The following RASGRP2 variants were observed in gnomAD, a reference collection of about 807,000 sequenced individuals.
The protein encoded by RASGRP2 is RAS guanyl-releasing protein 2.
A neutral mutation model predicts 71.0 loss-of-function variants in RASGRP2; 44 were observed. The ratio of observed to expected loss-of-function variants is 0.62; its 90% CI spans 0.49 to 0.80. The LOEUF (loss-of-function observed/expected upper bound fraction) is 0.80, where lower values mean the gene tolerates loss of function less well. RASGRP2 is among the 30% of genes least tolerant of loss of function. The probability of loss-of-function intolerance (pLI) is 0.00; values close to 1 mark genes in which losing one functional copy is unlikely to be tolerated. For synonymous variants in RASGRP2, 350 were observed against 330.7 expected (o/e 1.06, Z -0.63); for missense variants, 663 against 813.4 (o/e 0.82, Z 2.25).
chr11:64,732,820 C>G (rs1163110146), intron 12 of RASGRP2, among the ~76,000 whole-genome samples: 1 of 149,692 alleles, frequency 6.7e-6, no homozygotes, highest in Non-Finnish European at 1.5e-5. Context: ...CATGGTGGCG[C>G]GCGCCTGTAA....
Position 64,729,815 on chromosome 11 carries a change from G to A in RASGRP2, c.1555-17C>T. 1.9e-6 allele frequency: 3 copies of A among 1,614,030 alleles called. No homozygotes were observed. The highest frequency in any genetic ancestry group is 2.5e-6 in the Non-Finnish European group (3 of 1,179,862). On this transcript the variant is annotated splice_polypyrimidine_tract_variant and intron_variant, in intron 13 of 16. Coordinates refer to ENST00000394432, the MANE Select transcript of RASGRP2 (RefSeq NM_001098671.2). ...GCCCAGGATCTGCAATAGAGGAGGG[G>A]CCGTGGTGGGAGGAGGGATTTAGAG...
Position 64,739,283 on chromosome 11 carries a change from C to A in RASGRP2, c.813+77G>T, listed in dbSNP as rs1190492103. 8.9e-7 allele frequency: 1 copy of A among 1,127,720 alleles called. No homozygotes were observed. The highest frequency in any genetic ancestry group is 1.5e-5 in the African/African-American group (1 of 65,314). The allele number at this position is 1,127,720 out of a possible 1,614,324, so 69.9% of individuals were successfully genotyped here. A position where few individuals can be genotyped will look rare whatever the true frequency, so the allele number is the denominator to read the frequency against. ...TATCTATCAAATGAGGACAGCTGTG[C>A]CCAGCCCCCAGTGCTGCTGGGAGGA... On this transcript the variant is annotated intron_variant, in intron 8 of 16. Transcript: ENST00000394432. This position sits in a 1 kb window ranked among gnomAD's most constrained non-coding sequence, Gnocchi z 4.2.
rs757903572 is a variant in RASGRP2 at position 64,742,685 on chromosome 11, A to T, written c.73+109T>A. Reference sequence around the variant, plus strand: ...TTAAAGAGACTGCACGCTGCGGAGCAGGGTGGGTCCGGGTCAGGGCTGTGC... The same window carrying T: ...TTAAAGAGACTGCACGCTGCGGAGCTGGGTGGGTCCGGGTCAGGGCTGTGC... On this transcript the variant is annotated intron_variant, in intron 2 of 16. Transcript: ENST00000394432. The surrounding 1 kb of genome is among the most constrained non-coding windows in gnomAD (Gnocchi z 4.7). 15 of 1,417,210 alleles carry T rather than the reference A, an allele frequency of 1.1e-5. No homozygotes were observed. Among genetic ancestry groups the T allele is most frequent in the Non-Finnish European group, 1.5e-5 (15 of 1,030,824 alleles). The allele number at this position is 1,417,210 out of a possible 1,614,324, so 87.8% of individuals were successfully genotyped here.
Position 64,741,452 on chromosome 11 carries a change from A to G in RASGRP2, c.226T>C (p.Cys76Arg). The change falls in exon 4 of 17, where the codon TGC becomes CGC. Residue 76 changes from cysteine to arginine, a missense_variant. Cys to Arg is a radical substitution (Grantham distance 180). Coordinates refer to ENST00000394432, the MANE Select transcript of RASGRP2 (RefSeq NM_001098671.2). The part of the protein sequence containing the change: ...DNSNSLQVKT[C>R]HLVRYWISAF... ...GGAAAGACTCACCTGACCAGGTGGCACGTTTTCACCTGCAGGGAATTGGAG... is the reference window on the plus strand; with the variant it reads ...GGAAAGACTCACCTGACCAGGTGGCGCGTTTTCACCTGCAGGGAATTGGAG... 1.3e-6 allele frequency: 2 copies of G among 1,571,800 alleles called. No individual in the cohort carries two copies. The highest frequency in any genetic ancestry group is 1.7e-6 in the Non-Finnish European group (2 of 1,156,442).
chr11:64,740,520 G>T, intron 5 of RASGRP2: 1 of 633,606 alleles, frequency 1.6e-6, no homozygotes, highest in East Asian at 3.4e-5. Context: ...CTTTGTACAG[G>T]AGTCTGTACA....
At chr11:64,729,598 A>G (rs557186550) in intron 14 of RASGRP2, among the ~76,000 whole-genome samples, 164 bp downstream of exon 14, 1 of 152,154 alleles carries the variant, frequency 6.6e-6, no homozygotes, top group Non-Finnish European at 1.5e-5. Flanking sequence ...CGGCCTCCCA[A>G]AGTGCTGGGA....
In RASGRP2 at chr11:64,735,087, C is replaced by A; in HGVS notation, c.1412+25G>T. ...AAGTGGGCTGAGTTGCCTTCCCTCT[C>A]CCCCAGGTCCCCAGCCCTCCTCACT... is the stretch of plus-strand genomic sequence containing the variant. On this transcript the variant is annotated intron_variant, in intron 12 of 16. Coordinates refer to ENST00000394432, the MANE Select transcript of RASGRP2 (RefSeq NM_001098671.2). This position sits in a 1 kb window ranked among gnomAD's most constrained non-coding sequence, Gnocchi z 4.2. The A allele has an allele frequency of 6.4e-7, 1 of 1,568,370 alleles. No homozygotes were observed.
chr11:64,736,081 G>T, intron 9 of RASGRP2, 101 bp from the exon 10 acceptor site: 1 of 913,504 alleles, frequency 1.1e-6, no homozygotes, highest in Non-Finnish European at 1.8e-6. Context: ...CTCAGAGCTC[G>T]GGTCAGAAGC....
At position 64,740,891 on chromosome 11, in the gene RASGRP2, C is replaced by A. The variant is rs778306077; in HGVS notation, c.371+57G>T. 40 of 1,604,490 alleles carry A rather than the reference C, an allele frequency of 2.5e-5. No individual in the cohort carries two copies. The African/African-American group carries it at 3.9e-4, about 16-fold the overall frequency. ...TTCAGTTCAACAGACATTTATTAAG[C>A]ACAGATGGTATAGGATACTGAGTGC... On this transcript the variant is annotated intron_variant, in intron 5 of 16. Transcript: ENST00000394432.
chr11:64,731,322 C>G (rs1476615747), intron 12 of RASGRP2, among the ~76,000 whole-genome samples: 1 of 150,498 alleles, frequency 6.6e-6, no homozygotes, highest in Non-Finnish European at 1.5e-5. Flanking sequence ...TGCCACTGCA[C>G]TCCAGCCTGG....
Position 64,739,212 on chromosome 11 carries a change from G to A in RASGRP2, c.813+148C>T. ...GAGCCCCCACTCTGCTGTTGCCATT[G>A]TGCAAACTGAGAAAAGCACTTAACC... On this transcript the variant is annotated intron_variant, in intron 8 of 16. Transcript: ENST00000394432. This position sits in a 1 kb window ranked among gnomAD's most constrained non-coding sequence, Gnocchi z 4.2. The A allele has an allele frequency of 4.4e-6, 3 of 689,348 alleles. No homozygotes were observed. Among genetic ancestry groups the A allele is most frequent in the Non-Finnish European group, 7.9e-6 (3 of 381,526 alleles). The allele number at this position is 689,348 out of a possible 1,614,324, so 42.7% of individuals were successfully genotyped here. A position where few individuals can be genotyped will look rare whatever the true frequency, so the allele number is the denominator to read the frequency against.
Position 64,728,998 on chromosome 11 carries a change from C to CT in RASGRP2, c.1635dup (p.Val546SerfsTer2). ...CTCTGGGCCCTGCGCCGACACTCAA[C>CT]TGACAGGCGATCCTTGCACTGCTTG... On this transcript the variant is annotated frameshift_variant, in exon 15 of 17. Coordinates refer to ENST00000394432, the MANE Select transcript of RASGRP2 (RefSeq NM_001098671.2). LOFTEE classifies it high-confidence loss of function. 6.2e-7 allele frequency: 1 copy of CT among 1,607,898 alleles called. No individual in the cohort carries two copies. Among genetic ancestry groups the CT allele is most frequent in the East Asian group, 2.2e-5 (1 of 44,840 alleles).
intron 12 of RASGRP2, among the ~76,000 whole-genome samples, chr11:64,732,820 C>T (rs1163110146): frequency 2.0e-5 from 3 of 149,596 alleles, no homozygotes; most frequent in Non-Finnish European, 3.0e-5. Context: ...CATGGTGGCG[C>T]GCGCCTGTAA....
intron 8 of RASGRP2, among the ~76,000 whole-genome samples, chr11:64,737,529 G>A (rs1489569895): frequency 6.6e-6 from 1 of 151,790 alleles, no homozygotes; most frequent in Non-Finnish European, 1.5e-5. Context: ...AAAATTAGCC[G>A]GGTGTGGTGG....
chr11:64,744,481 A>G (rs1010862191), upstream of RASGRP2: 1 of 204,044 alleles, frequency 4.9e-6, no homozygotes, highest in Non-Finnish European at 8.6e-6. Flanking sequence ...CAATTTTCTC[A>G]TCTGCCAAAT....
chr11:64,729,811 A>G lies in RASGRP2; in HGVS notation c.1555-13T>C, dbSNP rs1484889784. 3 of 1,613,792 alleles carry G rather than the reference A, an allele frequency of 1.9e-6. No homozygotes were observed. Among genetic ancestry groups the G allele is most frequent in the Non-Finnish European group, 2.5e-6 (3 of 1,179,850 alleles). ...AGATGCCCAGGATCTGCAATAGAGG[A>G]GGGGCCGTGGTGGGAGGAGGGATTT... On this transcript the variant is annotated splice_polypyrimidine_tract_variant and intron_variant, in intron 13 of 16. Coordinates refer to ENST00000394432, the MANE Select transcript of RASGRP2 (RefSeq NM_001098671.2).
At position 64,743,748 on chromosome 11, in the gene RASGRP2, C is replaced by CGCGCCAAGGGTGGCCGGTGGGTGCATG. The variant is rs775496169; in HGVS notation, c.-72+228_-72+254dup. 1,137 of 314,590 alleles carry CGCGCCAAGGGTGGCCGGTGGGTGCATG rather than the reference C, an allele frequency of 3.6e-3. 11 individuals are homozygous for CGCGCCAAGGGTGGCCGGTGGGTGCATG. Among genetic ancestry groups the CGCGCCAAGGGTGGCCGGTGGGTGCATG allele is most frequent in the African/African-American group, 0.024 (1,045 of 43,126 alleles). The allele number at this position is 314,590 out of a possible 1,614,324, so 19.5% of individuals were successfully genotyped here. ...AGCAGGGTGTCCAGAGGGGGGCGCT[C>CGCGCCAAGGGTGGCCGGTGGGTGCATG]GCGCCAAGGGTGGCCGGTGGGTGCA... On this transcript the variant is annotated intron_variant, in intron 1 of 16. Coordinates refer to ENST00000394432, the MANE Select transcript of RASGRP2 (RefSeq NM_001098671.2). The surrounding 1 kb of genome is among the most constrained non-coding windows in gnomAD (Gnocchi z 4.9).
intron 9 of RASGRP2, 151 bp downstream of exon 9, chr11:64,736,602 T>C: frequency 1.2e-6 from 1 of 855,984 alleles, no homozygotes; most frequent in Non-Finnish European, 1.8e-6. Context: ...CTGGACCCCT[T>C]CTCAGCATCC....
At position 64,743,215 on chromosome 11, in the gene RASGRP2, G is replaced by A. The variant is rs748501207; in HGVS notation, c.-71-278C>T. ...AACCAAGATCCCAGGACTGGCTGGCGCCCAGCCCCCCGCAGGGCGCCTTCT... is the reference window on the plus strand; with the variant it reads ...AACCAAGATCCCAGGACTGGCTGGCACCCAGCCCCCCGCAGGGCGCCTTCT... On this transcript the variant is annotated intron_variant, in intron 1 of 16. Transcript: ENST00000394432. The surrounding 1 kb of genome is among the most constrained non-coding windows in gnomAD (Gnocchi z 4.9). 5.3e-5 allele frequency: 28 copies of A among 528,786 alleles called. No homozygotes were observed. In the Middle Eastern group the frequency reaches 1.1e-3, roughly 22 times the overall value. The allele number at this position is 528,786 out of a possible 1,614,324, so 32.8% of individuals were successfully genotyped here.
Sources: allele counts gnomAD v4.1 joint callset (sites outside exome capture counted in the v4.1 genomes callset), GRCh38; gene constraint gnomAD v4.1.1; non-coding constraint Gnocchi (gnomAD v3.1); transcripts MANE v1.5; gene names NCBI Gene and HGNC (gene_info 2026-07-23, HGNC 2026-07-21).